Variants in ZBTB45 observed in about 807,000 individuals in gnomAD.
ZBTB45 encodes zinc finger and BTB domain-containing protein 45.
A neutral mutation model predicts 28.4 loss-of-function variants in ZBTB45; 22 were observed. That is an observed-to-expected ratio of 0.77 (90% confidence interval 0.55 to 1.10). The LOEUF (loss-of-function observed/expected upper bound fraction) is 1.10, where lower values mean the gene tolerates loss of function less well. Among genes scored for constraint, ZBTB45 ranks in the 50% least tolerant of loss-of-function variants. ZBTB45 has a pLI of 0.00. For missense variants in ZBTB45, 656 were observed against 750.2 expected, an observed-to-expected ratio of 0.87 and a Z score of 1.47; for synonymous variants, 361 against 332.3, an observed-to-expected ratio of 1.09 and a Z score of -0.94.
intron 1 of ZBTB45, among the ~76,000 whole-genome samples, chr19:58,536,447 C>T (rs2053660623): frequency 7.2e-6 from 1 of 139,404 alleles, no homozygotes; most frequent in Non-Finnish European, 1.5e-5. Context: ...GCCTGGGCGA[C>T]AGAGGGAGAC....
At chr19:58,521,378 AAAAAAAGAAAG>A (rs2053577248), upstream of ZBTB45, among the ~76,000 whole-genome samples, 1 of 146,648 alleles carries the variant, frequency 6.8e-6, no homozygotes, top group African/African-American at 2.5e-5. Flanking sequence ...AAAAAAAAAA[AAAAAAAGAAAG>A]AAAGAAAAGA....
chr19:58,520,690 A>G (rs973031040), upstream of ZBTB45, among the ~76,000 whole-genome samples: 17 of 152,172 alleles, frequency 1.1e-4, no homozygotes, highest in Non-Finnish European at 2.1e-4. Flanking sequence ...AGAGAGGTCC[A>G]TGAGAGGAAA....
chr19:58,521,051 C>CAAAAAAAAAAAAAA (rs71190053), upstream of ZBTB45, among the ~76,000 whole-genome samples: 4 of 27,822 alleles, frequency 1.4e-4, no homozygotes, highest in African/African-American at 8.2e-4. Context: ...GACTCCGTCT[C>CAAAAAAAAAAAAAA]AAAAAAAAAA....
intron 2 of ZBTB45, among the ~76,000 whole-genome samples, 162 bp from the exon 3 acceptor site, chr19:58,514,472 C>A (rs1195687469): frequency 6.6e-6 from 1 of 151,754 alleles, no homozygotes; most frequent in Non-Finnish European, 1.5e-5. Flanking sequence ...CCTCCCCTCA[C>A]TATGGGATCT....
intron 1 of ZBTB45, among the ~76,000 whole-genome samples, chr19:58,526,695 C>T (rs1390952148): frequency 1.4e-5 from 2 of 147,600 alleles, no homozygotes; most frequent in Admixed American, 1.4e-4. Flanking sequence ...CTACGCCCGG[C>T]TAATTTTTTG....
At chr19:58,530,718 C>T (rs1209794243) in intron 1 of ZBTB45, among the ~76,000 whole-genome samples, 2 of 150,472 alleles carry the variant, frequency 1.3e-5, no homozygotes, top group Non-Finnish European at 3.0e-5. Context: ...GAGTCTCGCT[C>T]TGTCGCGCAG....
In ZBTB45 at chr19:58,516,316, TGTAACTA is replaced by T. The variant is rs1056170667; in HGVS notation, c.1279+72_1279+78del. The T allele has an allele frequency of 3.2e-6, 5 of 1,556,918 alleles. No homozygotes were observed. The Admixed American group carries it at 8.9e-5, about 28-fold the overall frequency. On this transcript the variant is annotated intron_variant, in intron 2 of 2. Coordinates refer to ENST00000594051, the MANE Select transcript of ZBTB45 (RefSeq NM_001316979.2). The surrounding 1 kb of genome is among the most constrained non-coding windows in gnomAD (Gnocchi z 6.2). ...AAGTAACAGAACAGTGCCAGTGCCC[TGTAACTA>T]GTGCTCAATTCCCCCTCAGGTTTAA... is the stretch of plus-strand genomic sequence containing the variant.
upstream of ZBTB45, among the ~76,000 whole-genome samples, chr19:58,521,882 C>T (rs182502616): frequency 1.3e-5 from 2 of 152,222 alleles, no homozygotes; most frequent in Non-Finnish European, 2.9e-5. Context: ...ACTGTCCAAA[C>T]GCATGACTAG....
chr19:58,533,482 A>C (rs2053644547), intron 1 of ZBTB45, among the ~76,000 whole-genome samples: 1 of 152,200 alleles, frequency 6.6e-6, no homozygotes, highest in Non-Finnish European at 1.5e-5. Flanking sequence ...TGCAGTGACA[A>C]GCCGAGGCCA....
intron 1 of ZBTB45, among the ~76,000 whole-genome samples, chr19:58,535,048 G>T (rs2053653645): frequency 6.7e-6 from 1 of 149,982 alleles, no homozygotes; most frequent in South Asian, 2.1e-4. Flanking sequence ...TAGAGAAGGG[G>T]TTTCATCATA....
At position 58,517,428 on chromosome 19, in the gene ZBTB45, C is replaced by T; in HGVS notation, c.246G>A (p.Gln82=). The change falls in exon 2 of 3, where the codon CAG becomes CAA. Residue 82 remains glutamine, a synonymous_variant. Transcript: ENST00000594051. Reference sequence around the variant, plus strand: ...AACCGCTGTACAGGAACTCTACCAGCTGTCGCACTGTCTGCGCGGGCACCA... The same window carrying T: ...AACCGCTGTACAGGAACTCTACCAGTTGTCGCACTGTCTGCGCGGGCACCA... ...PPVVPAQTVR[Q]LVEFLYSGSL... 1 of 1,612,930 alleles carries T rather than the reference C, an allele frequency of 6.2e-7. No homozygotes were observed. The highest frequency in any genetic ancestry group is 8.5e-7 in the Non-Finnish European group (1 of 1,179,800).
At chr19:58,535,948 C>T (rs1302180892) in intron 1 of ZBTB45, among the ~76,000 whole-genome samples, 1 of 152,074 alleles carries the variant, frequency 6.6e-6, no homozygotes, top group Admixed American at 6.5e-5. Flanking sequence ...CAGAGAATAA[C>T]ATTCTGAGTA....
upstream of ZBTB45, among the ~76,000 whole-genome samples, chr19:58,524,383 A>AATG (rs1358910472): frequency 2.9e-4 from 43 of 150,166 alleles, no homozygotes; most frequent in Admixed American, 1.1e-3. Context: ...TAATAATAAT[A>AATG]ATAAAAAGAA....
chr19:58,536,692 T>C (rs2053662172), intron 1 of ZBTB45, among the ~76,000 whole-genome samples: 1 of 152,072 alleles, frequency 6.6e-6, no homozygotes. Flanking sequence ...GTAGCCACAA[T>C]GCCTCCTCAG....
At chr19:58,522,198 G>T (rs2053582626), upstream of ZBTB45, among the ~76,000 whole-genome samples, 1 of 141,184 alleles carries the variant, frequency 7.1e-6, no homozygotes, top group African/African-American at 2.6e-5. Flanking sequence ...TCTCGCTCTT[G>T]TCCCCCAGGC....
In ZBTB45 at chr19:58,517,077, C is replaced by T. The variant is rs2053515288; in HGVS notation, c.597G>A (p.Leu199=). 6.2e-7 allele frequency: 1 copy of T among 1,613,196 alleles called. No homozygotes were observed. The highest frequency in any genetic ancestry group is 8.5e-7 in the Non-Finnish European group (1 of 1,179,980). The change falls in exon 2 of 3, where the codon CTG becomes CTA. Residue 199 remains leucine (L), a synonymous_variant. Transcript: ENST00000594051. Reference sequence around the variant, plus strand: ...CACCTCGGTCATCAGGGGCCGCGGACAGTGAGGGGTCAGCATCAGGCCCCT... The same window carrying T: ...CACCTCGGTCATCAGGGGCCGCGGATAGTGAGGGGTCAGCATCAGGCCCCT... ...KAEGPDADPS[L]SAAPDDRGDE...
chr19:58,531,812 A>G (rs2053636849), intron 1 of ZBTB45, among the ~76,000 whole-genome samples: 1 of 152,066 alleles, frequency 6.6e-6, no homozygotes, highest in South Asian at 2.1e-4. Context: ...CAGCTGTTTG[A>G]TCAGGTTTGG....
Position 58,517,247 on chromosome 19 carries a change from G to T in ZBTB45, c.427C>A (p.Pro143Thr). 1.9e-6 allele frequency: 3 copies of T among 1,589,094 alleles called. No homozygotes were observed. The highest frequency in any genetic ancestry group is 2.6e-6 in the Non-Finnish European group (3 of 1,170,240). Reference protein sequence around the residue: ...PTPLPTPVPPPLAPAQLRHRL... With the variant: ...PTPLPTPVPPTLAPAQLRHRL... ...TGACGCAGCTGCGCAGGTGCGAGTG[G>T]CGGGGGCACAGGGGTGGGCAGGGGC... Residue 143 changes from proline (P) to threonine (T), a missense_variant, in exon 2 of 3, where the codon CCA becomes ACA. Physicochemically the swap from Pro to Thr is conservative, Grantham distance 38. This residue lies in a region of ZBTB45 where 448 missense variants were observed against 444.3 expected (regional missense o/e 1.01). Transcript: ENST00000594051.
At chr19:58,535,707 T>A (rs1165262988) in intron 1 of ZBTB45, among the ~76,000 whole-genome samples, 3 of 152,130 alleles carry the variant, frequency 2.0e-5, no homozygotes, top group African/African-American at 4.8e-5. Flanking sequence ...ACAAACAAAA[T>A]TTTTAAAGTA....
Sources: gnomAD v4.1 joint callset for allele counts (sites outside exome capture counted in the v4.1 genomes callset) on GRCh38, gnomAD v4.1.1 for gene constraint, gnomAD v4.1.1 regional missense constraint, Gnocchi (gnomAD v3.1) non-coding constraint, MANE v1.5 for transcripts, NCBI Gene and HGNC (gene_info 2026-07-23, HGNC 2026-07-21) for gene names.